The following PDE3A variants were observed in gnomAD, a reference collection of about 807,000 sequenced individuals.
The protein encoded by PDE3A is phosphodiesterase 3A, also known as cGMP-inhibited 3',5'-cyclic phosphodiesterase 3A.
In PDE3A, 43 loss-of-function variants were observed where a neutral mutation model predicts 98.3. The ratio of observed to expected loss-of-function variants is 0.44; its 90% confidence interval spans 0.34 to 0.56. The LOEUF is 0.56. PDE3A is among the 20% of genes least tolerant of loss of function. The pLI, the probability that PDE3A is intolerant of heterozygous loss-of-function variation, is 0.01. For missense variants in PDE3A, 1,427 were observed against 1,440.7 expected (o/e 0.99, Z 0.15); for synonymous variants, 663 against 567.9 (o/e 1.17, Z -2.38).
chr12:20,633,278 T>C (rs1944423416), intron 6 of PDE3A, among the ~76,000 whole-genome samples: 1 of 152,168 alleles, frequency 6.6e-6, no homozygotes, highest in Admixed American at 6.5e-5. Context: ...AATGAGGCTT[T>C]TAAGCCGACA....
intron 1 of PDE3A, among the ~76,000 whole-genome samples, chr12:20,521,790 G>A (rs1345157835): frequency 6.6e-6 from 1 of 152,126 alleles, no homozygotes; most frequent in African/African-American, 2.4e-5. Context: ...GAGACATGGA[G>A]TTTCATTAGG....
chr12:20,490,293 T>A (rs917701647), intron 1 of PDE3A, among the ~76,000 whole-genome samples: 4 of 152,222 alleles, frequency 2.6e-5, no homozygotes, highest in Non-Finnish European at 5.9e-5. Flanking sequence ...TATTGAAATT[T>A]CCTTTACCTA....
intron 1 of PDE3A, among the ~76,000 whole-genome samples, chr12:20,404,065 TG>T: frequency 6.6e-6 from 1 of 152,260 alleles, no homozygotes; most frequent in Middle Eastern, 3.4e-3. Flanking sequence ...TGACACAATT[TG>T]GCCAGGTTTC....
At chr12:20,570,544 A>G (rs1343984333) in intron 2 of PDE3A, among the ~76,000 whole-genome samples, 1 of 151,868 alleles carries the variant, frequency 6.6e-6, no homozygotes, top group African/African-American at 2.4e-5. Flanking sequence ...TAAGGAATAC[A>G]TTTCTAGCCA....
chr12:20,483,315 G>A lies in PDE3A; in HGVS notation c.961-73345G>A, dbSNP rs533635618. ...GAGCCAGGAGAATTGTTTGAACCCC[G>A]GAGGCGGAGGTTGCAGTGAGCCGAG... On this transcript the variant is annotated intron_variant, in intron 1 of 15. Coordinates refer to ENST00000359062, the MANE Select transcript of PDE3A (RefSeq NM_000921.5). 4.2e-3 allele frequency among the ~76,000 whole-genome samples: 634 copies of A among 152,238 alleles called. 1 individual carries two copies. The highest frequency in any genetic ancestry group is 7.7e-3 in the Non-Finnish European group (525 of 68,024).
chr12:20,561,248 G>C (rs74345615), intron 2 of PDE3A, among the ~76,000 whole-genome samples: 1 of 151,182 alleles, frequency 6.6e-6, no homozygotes, highest in Non-Finnish European at 1.5e-5. Context: ...AAAGAGCGAG[G>C]CTCTGCTAAA....
At chr12:20,428,326 C>T (rs1337762915) in intron 1 of PDE3A, among the ~76,000 whole-genome samples, 2 of 152,152 alleles carry the variant, frequency 1.3e-5, no homozygotes, top group East Asian at 3.9e-4. Context: ...GTCGCCCAGG[C>T]TGGAGTGCAG....
intron 15 of PDE3A, among the ~76,000 whole-genome samples, chr12:20,654,629 T>C (rs1251135023): frequency 6.7e-6 from 1 of 149,896 alleles, no homozygotes; most frequent in African/African-American, 2.4e-5. Flanking sequence ...CCTGAGTAGC[T>C]GGGACTACAG....
chr12:20,566,055 C>T (rs1205997713), intron 2 of PDE3A, among the ~76,000 whole-genome samples: 3 of 151,858 alleles, frequency 2.0e-5, no homozygotes, highest in African/African-American at 7.3e-5. Flanking sequence ...CATCAGTAAA[C>T]CCAAAGTTAC....
At chr12:20,470,774 C>T (rs1381755995) in intron 1 of PDE3A, among the ~76,000 whole-genome samples, 3 of 152,036 alleles carry the variant, frequency 2.0e-5, no homozygotes, top group African/African-American at 7.2e-5. Flanking sequence ...GTGTCCTTTT[C>T]CCCCCAACCC....
At chr12:20,481,940 A>AT (rs11402613) in intron 1 of PDE3A, among the ~76,000 whole-genome samples, 11,006 of 151,000 alleles carry the variant, frequency 0.073, 885 homozygotes, top group African/African-American at 0.2. Context: ...AATTTTTTGT[A>AT]TTTTTTGTAG....
chr12:20,405,655 A>G (rs1944219161), intron 1 of PDE3A, among the ~76,000 whole-genome samples: 1 of 152,222 alleles, frequency 6.6e-6, no homozygotes, highest in Non-Finnish European at 1.5e-5. Context: ...ATGATTTGAT[A>G]TACATATACA....
chr12:20,663,416 G>A (rs1042995528), intron 15 of PDE3A, among the ~76,000 whole-genome samples: 2 of 152,178 alleles, frequency 1.3e-5, no homozygotes, highest in Non-Finnish European at 2.9e-5. Context: ...AAAGCCACAG[G>A]CAGTCAATGC....
intron 2 of PDE3A, among the ~76,000 whole-genome samples, chr12:20,601,182 G>C (rs954808096): frequency 6.6e-6 from 1 of 152,180 alleles, no homozygotes; most frequent in Non-Finnish European, 1.5e-5. Context: ...ATATATGTAA[G>C]ATCTGGTCAG....
chr12:20,381,153 C>T (rs141963749), intron 1 of PDE3A, among the ~76,000 whole-genome samples: 241 of 151,980 alleles, frequency 1.6e-3, no homozygotes, highest in African/African-American at 5.7e-3. Context: ...TACAGAGCTA[C>T]AGCTAGAGCT....
intron 1 of PDE3A, among the ~76,000 whole-genome samples, chr12:20,522,187 G>A (rs925810383): frequency 2.0e-5 from 3 of 152,042 alleles, no homozygotes; most frequent in East Asian, 3.9e-4. Flanking sequence ...CATCATTCAC[G>A]TCTGCTCTCT....
chr12:20,421,452 G>T (rs1425126923), intron 1 of PDE3A, among the ~76,000 whole-genome samples: 1 of 152,144 alleles, frequency 6.6e-6, no homozygotes, highest in Non-Finnish European at 1.5e-5. Flanking sequence ...GCTATGAGGA[G>T]TGTTGCTTTA....
At chr12:20,660,371 G>GAT (rs1378001979) in intron 15 of PDE3A, among the ~76,000 whole-genome samples, 1 of 152,182 alleles carries the variant, frequency 6.6e-6, no homozygotes, top group Non-Finnish European at 1.5e-5. Flanking sequence ...GTGGGGTGCT[G>GAT]ATATAAAGAT....
intron 2 of PDE3A, among the ~76,000 whole-genome samples, chr12:20,568,982 T>C (rs569695815): frequency 1.1e-4 from 16 of 152,124 alleles, no homozygotes; most frequent in African/African-American, 3.6e-4. Context: ...ACTATTTTAA[T>C]ACCACCTGGA....
Sources: gnomAD v4.1 joint callset for allele counts (sites outside exome capture counted in the v4.1 genomes callset) on GRCh38, gnomAD v4.1.1 for gene constraint, MANE v1.5 for transcripts, NCBI Gene and HGNC (gene_info 2026-07-23, HGNC 2026-07-21) for gene names.